The following TNXB variants were observed in gnomAD, a reference collection of about 807,000 sequenced individuals.
TNXB encodes tenascin-X.
In TNXB, 183 loss-of-function variants were observed where a neutral mutation model predicts 340.5. The ratio of observed to expected loss-of-function variants is 0.54; its 90% CI spans 0.48 to 0.61. TNXB has a LOEUF of 0.61. Ranked by LOEUF, TNXB falls within the 20% of genes least tolerant of loss-of-function variation. The pLI, the probability that TNXB is intolerant of heterozygous loss-of-function variation, is 0.00. For synonymous variants in TNXB, 2,121 were observed against 2,314.5 expected (o/e 0.92, Z 2.40); for missense variants, 4,613 against 5,446.4 (o/e 0.85, Z 4.82).
In TNXB at chr6:32,059,664, T is replaced by C. The variant is rs1320533584; in HGVS notation, c.7493-1274A>G. 2.6e-5 allele frequency among the ~76,000 whole-genome samples: 4 copies of C among 151,782 alleles called. No homozygotes were observed. In the East Asian group the frequency reaches 7.7e-4, roughly 29 times the overall value. On this transcript the variant is annotated intron_variant, in intron 21 of 43. Transcript: ENST00000644971. Reference sequence around the variant, plus strand: ...TTCTAATGTTCATTTTCCAATAATTTCCCTATTCCCCCTGTTTCCCAACAC... The same window carrying C: ...TTCTAATGTTCATTTTCCAATAATTCCCCTATTCCCCCTGTTTCCCAACAC...
Position 32,068,371 on chromosome 6 carries a change from G to A in TNXB, c.6220+19C>T. The stretch of plus-strand genomic sequence containing the variant: ...ACCCTCCCATGGCTCCCACCCTGGG[G>A]CTCCCATCATCCACTCACCTGTCAC... On this transcript the variant is annotated intron_variant, in intron 17 of 43. Transcript: ENST00000644971. The surrounding 1 kb of genome is among the most constrained non-coding windows in gnomAD (Gnocchi z 5.3). 5 of 1,610,972 alleles carry A rather than the reference G, an allele frequency of 3.1e-6. No individual in the cohort carries two copies. Among genetic ancestry groups the A allele is most frequent in the Non-Finnish European group, 4.2e-6 (5 of 1,177,970 alleles).
Position 32,067,322 on chromosome 6 carries a change from A to C in TNXB, c.6544+339T>G, listed in dbSNP as rs1244844672. The stretch of plus-strand genomic sequence containing the variant: ...TGTTTATACATTTGAAATTTTATTT[A>C]ACAAATACTTATTAATTTAATTAAT... On this transcript the variant is annotated intron_variant, in intron 18 of 43. Coordinates refer to ENST00000644971, the MANE Select transcript of TNXB (RefSeq NM_001365276.2). This position sits in a 1 kb window ranked among gnomAD's most constrained non-coding sequence, Gnocchi z 4.2. Among the ~76,000 whole-genome samples, 1 of 152,206 alleles carries C rather than the reference A, an allele frequency of 6.6e-6. No individual in the cohort carries two copies. Among genetic ancestry groups the C allele is most frequent in the Non-Finnish European group, 1.5e-5 (1 of 68,038 alleles).
At chr6:32,041,487 A>G (rs1283921147) in intron 43 of TNXB, 37 bp from the exon 44 acceptor site, 15 of 1,168,550 alleles carry the variant, frequency 1.3e-5, no homozygotes, top group Non-Finnish European at 1.7e-5. Flanking sequence ...TCAAAGCCGG[A>G]TGTCCCATCT....
rs1777347531 is a variant in TNXB, at chr6:32,052,612, A to G, written c.9115+58T>C. The G allele has an allele frequency of 1.6e-5, 26 of 1,582,476 alleles. No homozygotes were observed. The South Asian group carries it at 2.9e-4, about 18-fold the overall frequency. On this transcript the variant is annotated intron_variant, in intron 26 of 43. Transcript: ENST00000644971. This position sits in a 1 kb window ranked among gnomAD's most constrained non-coding sequence, Gnocchi z 4.7. ...GAGTATGTTTTCACGAAGACTGGAG[A>G]GACAGCAGTGTCTTCCAGGGCCATC...
rs1779985086 is a variant in TNXB, at chr6:32,089,514, G to C, written c.2359-135C>G. 8.3e-7 allele frequency: 1 copy of C among 1,197,870 alleles called. No individual in the cohort carries two copies. The highest frequency in any genetic ancestry group is 1.1e-6 in the Non-Finnish European group (1 of 884,356). 74.2% of individuals were successfully genotyped at this position (1,197,870 alleles called of 1,614,324 possible). A position where few individuals can be genotyped will look rare whatever the true frequency, so the allele number is the denominator to read the frequency against. ...GTGGAACTTGACCCTGTACAAGCTGGGGAGCAAACATGCTGAGAGCGCTAA... is the reference window on the plus strand; with the variant it reads ...GTGGAACTTGACCCTGTACAAGCTGCGGAGCAAACATGCTGAGAGCGCTAA... On this transcript the variant is annotated intron_variant, in intron 4 of 43. Transcript: ENST00000644971. The surrounding 1 kb of genome is among the most constrained non-coding windows in gnomAD (Gnocchi z 6.2).
chr6:32,061,412 T>C lies in TNXB; in HGVS notation c.7477A>G (p.Thr2493Ala), dbSNP rs1777996238. ...CACTACTCACCAGTCACGCCCACGGTGGACACCGGGCCCACGCGCCGCCCC... is the reference window on the plus strand; with the variant it reads ...CACTACTCACCAGTCACGCCCACGGCGGACACCGGGCCCACGCGCCGCCCC... ...HEGRRVGPVS[T>A]VGVTAPQEDV... The change falls in exon 21 of 44, where the codon ACC becomes GCC. Residue 2493 changes from threonine to alanine, a missense_variant. Physicochemically the swap from Thr to Ala is moderately conservative, Grantham distance 58. Around this residue, in one of 7 missense-constraint regions of TNXB, gnomAD observed 4,327 missense variants for 4,859.4 expected, o/e 0.89. Coordinates refer to ENST00000644971, the MANE Select transcript of TNXB (RefSeq NM_001365276.2). The surrounding 1 kb of genome is among the most constrained non-coding windows in gnomAD (Gnocchi z 4.4). The C allele has an allele frequency of 1.2e-6, 2 of 1,612,294 alleles. No individual in the cohort carries two copies. The highest frequency in any genetic ancestry group is 1.1e-5 in the South Asian group (1 of 91,026).
At position 32,096,296 on chromosome 6, in the gene TNXB, G is replaced by A. The variant is rs1415925111; in HGVS notation, c.1557C>T (p.Thr519=). The change falls in exon 3 of 44, where the codon ACC becomes ACT. Residue 519 remains threonine (T), a synonymous_variant. Transcript: ENST00000644971. ...DGRCVCNPGF[T]GEDCGSRRCP... ...AGCGACGGCTCCCACAGTCCTCACC[G>A]GTGAAGCCCGGGTTGCACACGCAGC... is the stretch of plus-strand genomic sequence containing the variant. The A allele has an allele frequency of 1.9e-6, 3 of 1,552,614 alleles. No individual in the cohort carries two copies. Among genetic ancestry groups the A allele is most frequent in the South Asian group, 1.2e-5 (1 of 84,874 alleles).
chr6:32,077,749 G>A (rs748363263), intron 11 of TNXB, among the ~76,000 whole-genome samples: 2 of 152,222 alleles, frequency 1.3e-5, no homozygotes, highest in African/African-American at 4.8e-5. Flanking sequence ...CCTTGTGGCC[G>A]GGCGTGGTGG....
At position 32,073,414 on chromosome 6, in the gene TNXB, C is replaced by T. The variant is rs1054554487; in HGVS notation, c.4681+233G>A. ...AATGGAAATAAGACATTCCCCTGGG[C>T]GGGGGGCAGAGTGGAGATGGGGAAG... On this transcript the variant is annotated intron_variant, in intron 12 of 43. Transcript: ENST00000644971. The surrounding 1 kb of genome is among the most constrained non-coding windows in gnomAD (Gnocchi z 4.6). Among the ~76,000 whole-genome samples the T allele has an allele frequency of 2.6e-5, 4 of 151,842 alleles. No individual in the cohort carries two copies. The highest frequency in any genetic ancestry group is 7.3e-5 in the African/African-American group (3 of 41,306).
Position 32,108,169 on chromosome 6 carries a change from GAA to G in TNXB, c.-9+1010_-9+1011del, listed in dbSNP as rs1781069082. On this transcript the variant is annotated intron_variant, in intron 1 of 43. Transcript: ENST00000644971. This position sits in a 1 kb window ranked among gnomAD's most constrained non-coding sequence, Gnocchi z 4.8. ...CCAGGGACTTGAAGGCAGGGTCAGG[GAA>G]AAGAGGAGGGGCTGGAGATGCGGGA... Among the ~76,000 whole-genome samples the G allele has an allele frequency of 2.0e-5, 3 of 152,180 alleles. No homozygotes were observed. In the South Asian group the frequency reaches 6.2e-4, roughly 31 times the overall value.
Position 32,068,428 on chromosome 6 carries a change from C to A in TNXB, c.6182G>T (p.Gly2061Val). The A allele has an allele frequency of 6.2e-7, 1 of 1,613,904 alleles. No individual in the cohort carries two copies. Among genetic ancestry groups the A allele is most frequent in the South Asian group, 1.1e-5 (1 of 91,086 alleles). Residue 2061 changes from glycine to valine, a missense_variant, in exon 17 of 44, where the codon GGC becomes GTC. Gly to Val is a moderately radical substitution (Grantham distance 109). This residue lies in a region of TNXB where 4,327 missense variants were observed against 4,859.4 expected (regional missense o/e 0.89). Transcript: ENST00000644971. This position sits in a 1 kb window ranked among gnomAD's most constrained non-coding sequence, Gnocchi z 5.3. ...GACAGACACAGGGCCCATGCGCTGG[C>A]CACCGTGGAAGCCGTACAGGTTCAT... ...YKMNLYGFHG[G>V]QRMGPVSVVG...
At chr6:32,063,011 C>A (rs1285043870) in intron 19 of TNXB, among the ~76,000 whole-genome samples, 2 of 151,890 alleles carry the variant, frequency 1.3e-5, no homozygotes, top group Admixed American at 1.3e-4. Flanking sequence ...GCCAAGATCA[C>A]GCCACTGCAC....
rs756207144 is a variant in TNXB, at chr6:32,045,157, G to A, written c.10776C>T (p.Asp3592=). The A allele has an allele frequency of 1.9e-6, 3 of 1,613,108 alleles. No individual in the cohort carries two copies. In the South Asian group the frequency reaches 3.3e-5, roughly 18 times the overall value. The change falls in exon 32 of 44, where the codon GAC becomes GAT. Residue 3592 remains aspartate, a synonymous_variant. Coordinates refer to ENST00000644971, the MANE Select transcript of TNXB (RefSeq NM_001365276.2). Reference sequence around the variant, plus strand: ...GCAAGGCCTGGGGCTGCCCGTTCGTGTCCTCATACTGGACCACGAAGGAAT... The same window carrying A: ...GCAAGGCCTGGGGCTGCCCGTTCGTATCCTCATACTGGACCACGAAGGAAT... ...PFDSFVVQYE[D]TNGQPQALLV... is the part of the protein sequence containing the mutation.
At chr6:32,059,529 G>A (rs1446302771) in intron 21 of TNXB, among the ~76,000 whole-genome samples, 1 of 151,762 alleles carries the variant, frequency 6.6e-6, no homozygotes, top group Admixed American at 6.6e-5. Context: ...AGGAGGGGCA[G>A]GGGTGGGTCC....
At position 32,084,902 on chromosome 6, in the gene TNXB, G is replaced by T. The variant is rs368576993; in HGVS notation, c.3149-193C>A. On this transcript the variant is annotated intron_variant, in intron 7 of 43. Coordinates refer to ENST00000644971, the MANE Select transcript of TNXB (RefSeq NM_001365276.2). This position sits in a 1 kb window ranked among gnomAD's most constrained non-coding sequence, Gnocchi z 5.5. ...CCTCTCAATCTCTGCTTCTTCCCTT[G>T]TGACAGTTTCTCCATCCCTCACAAG... Among the ~76,000 whole-genome samples, 1 of 152,070 alleles carries T rather than the reference G, an allele frequency of 6.6e-6. No homozygotes were observed. The highest frequency in any genetic ancestry group is 1.5e-5 in the Non-Finnish European group (1 of 68,030).
At chr6:32,106,101 C>T (rs1005226228) in intron 1 of TNXB, among the ~76,000 whole-genome samples, 5 of 113,580 alleles carry the variant, frequency 4.4e-5, no homozygotes, top group Non-Finnish European at 6.6e-5. Flanking sequence ...AAGTGTGATA[C>T]TCTTGAGGGG....
chr6:32,042,870 T>G, intron 38 of TNXB, 39 bp from the exon 39 acceptor site: 1 of 453,416 alleles, frequency 2.2e-6, no homozygotes, highest in Non-Finnish European at 3.7e-6. Flanking sequence ...GAGAGGGAGG[T>G]GGAGACCCTC....
At position 32,058,181 on chromosome 6, in the gene TNXB, C is replaced by T; in HGVS notation, c.7702G>A (p.Val2568Ile). The change falls in exon 22 of 44, where the codon GTT becomes ATT. Residue 2568 changes from valine to isoleucine, a missense_variant. Val to Ile is a conservative substitution (Grantham distance 29). This residue lies in a region of TNXB where 4,327 missense variants were observed against 4,859.4 expected (regional missense o/e 0.89). Coordinates refer to ENST00000644971, the MANE Select transcript of TNXB (RefSeq NM_001365276.2). This position sits in a 1 kb window ranked among gnomAD's most constrained non-coding sequence, Gnocchi z 5.1. ...DRDGRPQAVR[V>I]GGQESKVTVR... ...GTGACCTTGCTCTCCTGGCCCCCAA[C>T]ACGCACCGCCTGGGGCCGCCCGTCC... 1 of 1,612,612 alleles carries T rather than the reference C, an allele frequency of 6.2e-7. No homozygotes were observed. The highest frequency in any genetic ancestry group is 2.2e-5 in the East Asian group (1 of 44,870).
intron 24 of TNXB, among the ~76,000 whole-genome samples, chr6:32,054,146 G>GT (rs1224317043): frequency 9.9e-5 from 15 of 152,170 alleles, no homozygotes; most frequent in Non-Finnish European, 1.5e-4. Context: ...CAGCCTCAGA[G>GT]TACCTCTCCC....
Sources: allele counts gnomAD v4.1 joint callset (sites outside exome capture counted in the v4.1 genomes callset), GRCh38; gene constraint gnomAD v4.1.1; regional missense constraint gnomAD v4.1.1; non-coding constraint Gnocchi (gnomAD v3.1); transcripts MANE v1.5; gene names NCBI Gene and HGNC (gene_info 2026-07-23, HGNC 2026-07-21).